The following SKAP1 variants were observed in gnomAD, a reference collection of about 807,000 sequenced individuals.
The protein encoded by SKAP1 is src kinase associated phosphoprotein 1.
In SKAP1, 44 loss-of-function variants were observed where a neutral mutation model predicts 58.5. The observed-to-expected ratio is 0.75, with a 90% CI of 0.59 to 0.97. The LOEUF (loss-of-function observed/expected upper bound fraction) is 0.97. Among genes scored for constraint, SKAP1 ranks in the 50% least tolerant of loss-of-function variants. The pLI is 0.00. For synonymous variants in SKAP1, 127 were observed against 149.7 expected, an observed-to-expected ratio of 0.85 and a Z score of 1.11; for missense variants, 390 against 435.2, an observed-to-expected ratio of 0.90 and a Z score of 0.92.
intron 1 of SKAP1, among the ~76,000 whole-genome samples, chr17:48,413,905 G>GT (rs2067699915): frequency 6.6e-6 from 1 of 152,078 alleles, no homozygotes; most frequent in Non-Finnish European, 1.5e-5. Flanking sequence ...ATGCTACAGA[G>GT]TCTTCCCACA....
At chr17:48,378,151 C>A (rs1397443581) in intron 2 of SKAP1, among the ~76,000 whole-genome samples, 3 of 152,138 alleles carry the variant, frequency 2.0e-5, no homozygotes, top group African/African-American at 7.2e-5. Flanking sequence ...TTTCAAAAGG[C>A]CTCACCCACA....
At chr17:48,301,907 C>T (rs2066062727) in intron 4 of SKAP1, among the ~76,000 whole-genome samples, 1 of 152,080 alleles carries the variant, frequency 6.6e-6, no homozygotes, top group Non-Finnish European at 1.5e-5. Context: ...AATGAGCTTA[C>T]AGAAATAGGA....
chr17:48,204,624 C>T (rs928651172), intron 4 of SKAP1: 5 of 152,064 alleles, frequency 3.3e-5, no homozygotes, highest in African/African-American at 1.2e-4. Flanking sequence ...GCCATTATGC[C>T]TGGGAGTTGT....
intron 4 of SKAP1, among the ~76,000 whole-genome samples, chr17:48,297,014 C>T (rs1452683489): frequency 6.6e-6 from 1 of 152,134 alleles, no homozygotes; most frequent in African/African-American, 2.4e-5. Context: ...ATTTTCCTAA[C>T]TCACATATTT....
chr17:48,320,585 G>A (rs939412530), intron 4 of SKAP1, among the ~76,000 whole-genome samples: 4 of 152,120 alleles, frequency 2.6e-5, no homozygotes, highest in Admixed American at 2.0e-4. Flanking sequence ...AACGCAATCA[G>A]AGAGAAAAAA....
chr17:48,270,319 A>C (rs2065611381), intron 4 of SKAP1, among the ~76,000 whole-genome samples: 1 of 152,000 alleles, frequency 6.6e-6, no homozygotes, highest in African/African-American at 2.4e-5. Context: ...TCAGTCTTTA[A>C]AAATTTTTTA....
At chr17:48,437,614 C>T in the SKAP1 span, among the ~76,000 whole-genome samples, 3 of 151,910 alleles carry the variant, frequency 2.0e-5, no homozygotes, top group Middle Eastern at 3.4e-3. Context: ...TGGTGGCACA[C>T]GCTTTTAGTC....
chr17:48,349,441 A>C (rs546256145), intron 3 of SKAP1, among the ~76,000 whole-genome samples: 1 of 152,334 alleles, frequency 6.6e-6, no homozygotes, highest in African/African-American at 2.4e-5. Context: ...TTCCCACTGC[A>C]ACTCCCTCAG....
chr17:48,284,950 T>C (rs935110169), intron 4 of SKAP1, among the ~76,000 whole-genome samples: 6 of 152,212 alleles, frequency 3.9e-5, no homozygotes, highest in African/African-American at 1.4e-4. Flanking sequence ...GTTGCTGAGA[T>C]TTATGAAAGC....
At chr17:48,248,272 A>C (rs1012993476) in intron 4 of SKAP1, among the ~76,000 whole-genome samples, 56 of 152,262 alleles carry the variant, frequency 3.7e-4, no homozygotes, top group African/African-American at 1.1e-3. Context: ...CTGTATGAAA[A>C]ACTATAGGGG....
chr17:48,148,355 T>G (rs186741726), intron 11 of SKAP1, among the ~76,000 whole-genome samples: 6 of 152,218 alleles, frequency 3.9e-5, no homozygotes, highest in Admixed American at 3.9e-4. Context: ...AGAGGGAAGG[T>G]AAACACTTTG....
intron 4 of SKAP1, among the ~76,000 whole-genome samples, chr17:48,298,797 C>A (rs1019383684): frequency 5.3e-5 from 8 of 152,158 alleles, no homozygotes; most frequent in Admixed American, 2.0e-4. Context: ...ATTGAATTCA[C>A]TTTCCATGTT....
intron 1 of SKAP1, among the ~76,000 whole-genome samples, chr17:48,422,484 C>T (rs2067806645): frequency 6.6e-6 from 1 of 152,018 alleles, no homozygotes; most frequent in Admixed American, 6.5e-5. Flanking sequence ...AAGATAGGTA[C>T]CACTATTATC....
At chr17:48,273,422 G>GTTTT (rs61407419) in intron 4 of SKAP1, among the ~76,000 whole-genome samples, 5 of 145,874 alleles carry the variant, frequency 3.4e-5, no homozygotes, top group Non-Finnish European at 6.1e-5. Context: ...TTTTATCACT[G>GTTTT]TTTTTTTTTT....
At chr17:48,444,667 T>C in the SKAP1 span, among the ~76,000 whole-genome samples, 1 of 152,162 alleles carries the variant, frequency 6.6e-6, no homozygotes, top group Non-Finnish European at 1.5e-5. Context: ...AAGCCCCCAC[T>C]TGCACTAGTA....
At chr17:48,323,685 A>T (rs534857461) in intron 4 of SKAP1, among the ~76,000 whole-genome samples, 1 of 152,268 alleles carries the variant, frequency 6.6e-6, no homozygotes, top group South Asian at 2.1e-4. Context: ...GAGTGAGAAC[A>T]CAAAGTTGAA....
chr17:48,344,913 C>G (rs2066702665), intron 4 of SKAP1, among the ~76,000 whole-genome samples: 1 of 152,110 alleles, frequency 6.6e-6, no homozygotes, highest in Non-Finnish European at 1.5e-5. Flanking sequence ...CTCTTGAAAT[C>G]TAAATAAAAA....
intron 2 of SKAP1, among the ~76,000 whole-genome samples, chr17:48,371,791 C>A (rs2067090337): frequency 6.9e-6 from 1 of 145,144 alleles, no homozygotes; most frequent in Non-Finnish European, 1.5e-5. Context: ...GAGCCATGAT[C>A]ATACCACTGC....
upstream of SKAP1, among the ~76,000 whole-genome samples, chr17:48,432,932 C>T (rs1017176446): frequency 6.6e-6 from 1 of 152,220 alleles, no homozygotes; most frequent in African/African-American, 2.4e-5. Flanking sequence ...ATTCTATATG[C>T]ATCCTTCCTT....
Sources: allele counts gnomAD v4.1 joint callset (sites outside exome capture counted in the v4.1 genomes callset), GRCh38; gene constraint gnomAD v4.1.1; transcripts MANE v1.5; gene names NCBI Gene and HGNC (gene_info 2026-07-23, HGNC 2026-07-21).